The following CENPP variants were observed in gnomAD, a reference collection of about 807,000 sequenced individuals.
The protein encoded by CENPP is centromere protein P.
In CENPP, 24 loss-of-function variants were observed where a neutral mutation model predicts 35.6. That is an observed-to-expected ratio of 0.67 (90% CI 0.49 to 0.95). The LOEUF is 0.95. CENPP is among the 40% of genes least tolerant of loss of function. The probability of loss-of-function intolerance (pLI) is 0.00; values close to 1 mark genes in which losing one functional copy is unlikely to be tolerated. For missense variants in CENPP, 332 were observed against 345.3 expected (o/e 0.96, Z 0.31); for synonymous variants, 120 against 125.5 (o/e 0.96, Z 0.29).
At chr9:92,365,196 GGT>G (rs1841855962) in intron 4 of CENPP, among the ~76,000 whole-genome samples, 1 of 152,066 alleles carries the variant, frequency 6.6e-6, no homozygotes. Context: ...ATCGATAAGT[GGT>G]GGGGAGAAAA....
chr9:92,586,949 G>C lies in CENPP; in HGVS notation c.565-24365G>C, dbSNP rs73651324. Reference sequence around the variant, plus strand: ...CAAAATACCTGGTGTTCAACAACAAGAAAAAGACAGGGCATAGAAAGAAAC... The same window carrying C: ...CAAAATACCTGGTGTTCAACAACAACAAAAAGACAGGGCATAGAAAGAAAC... On this transcript the variant is annotated intron_variant, in intron 5 of 7. Transcript: ENST00000375587. Among the ~76,000 whole-genome samples the C allele has an allele frequency of 7.1e-3, 829 of 116,536 alleles. 8 individuals carry two copies. Among genetic ancestry groups the C allele is most frequent in the African/African-American group, 0.025 (776 of 31,028 alleles). 76.5% of individuals were successfully genotyped at this position (116,536 alleles called of 152,430 possible). A position where few individuals can be genotyped will look rare whatever the true frequency, so the allele number is the denominator to read the frequency against.
chr9:92,379,302 T>C (rs1366188192), intron 4 of CENPP, among the ~76,000 whole-genome samples: 1 of 152,216 alleles, frequency 6.6e-6, no homozygotes, highest in Non-Finnish European at 1.5e-5. Context: ...TTTGGTGATG[T>C]GTTTGATGTG....
At chr9:92,355,064 C>T (rs912721947) in intron 4 of CENPP, among the ~76,000 whole-genome samples, 7 of 152,152 alleles carry the variant, frequency 4.6e-5, no homozygotes, top group African/African-American at 1.7e-4. Flanking sequence ...GATAAGGGTC[C>T]ATGTTCAGCG....
intron 5 of CENPP, among the ~76,000 whole-genome samples, chr9:92,606,994 A>G (rs534987354): frequency 1.6e-4 from 24 of 152,318 alleles, no homozygotes; most frequent in Middle Eastern, 3.4e-3. Flanking sequence ...ATAATTTTTT[A>G]AAAAATCAAA....
intron 5 of CENPP, among the ~76,000 whole-genome samples, chr9:92,409,975 C>T (rs957607907): frequency 2.6e-5 from 4 of 152,124 alleles, no homozygotes; most frequent in African/African-American, 9.7e-5. Context: ...CTTGCTCAGT[C>T]ACCCAGGCTG....
chr9:92,400,270 T>A (rs1282273966), intron 5 of CENPP, among the ~76,000 whole-genome samples: 1 of 152,018 alleles, frequency 6.6e-6, no homozygotes, highest in Admixed American at 6.6e-5. Flanking sequence ...CTGCCTCAGC[T>A]TCCCGAGTAG....
chr9:92,346,321 A>G lies in CENPP; in HGVS notation c.467+534A>G, dbSNP rs117539615. ...ATCAGGAATTTGACTAGCAGAGAGA[A>G]CATGAAATCATTTGCTGAAGCTTGA... On this transcript the variant is annotated intron_variant, in intron 4 of 7. Transcript: ENST00000375587. Among the ~76,000 whole-genome samples, 514 of 152,284 alleles carry G rather than the reference A, an allele frequency of 3.4e-3. 8 individuals are homozygous for G. Among genetic ancestry groups the G allele is most frequent in the Admixed American group, 0.02 (306 of 15,282 alleles).
At chr9:92,514,719 C>T (rs1454725118) in intron 5 of CENPP, 2 of 1,607,684 alleles carry the variant, frequency 1.2e-6, no homozygotes, top group African/African-American at 1.3e-5. Context: ...TCCTGTAGGA[C>T]AGAGAGCACC....
chr9:92,613,455 C>T lies in CENPP; in HGVS notation c.*306C>T, dbSNP rs1851334112. On this transcript the variant is annotated 3_prime_UTR_variant, in exon 8 of 8. Transcript: ENST00000375587. ...GGGAGGATCCATCCCCCACCCACTG[C>T]AGCCTCACACCGAGTCCACCTTGGA... 3.1e-6 allele frequency: 1 copy of T among 319,144 alleles called. No individual in the cohort carries two copies. Among genetic ancestry groups the T allele is most frequent in the African/African-American group, 2.1e-5 (1 of 46,866 alleles). The allele number at this position is 319,144 out of a possible 1,614,324, so 19.8% of individuals were successfully genotyped here.
intron 5 of CENPP, among the ~76,000 whole-genome samples, chr9:92,441,714 G>A (rs1366774804): frequency 1.3e-5 from 2 of 152,122 alleles, no homozygotes; most frequent in South Asian, 2.1e-4. Context: ...AGCCGAGATC[G>A]CGCCACTGCA....
intron 5 of CENPP, among the ~76,000 whole-genome samples, chr9:92,470,076 G>A (rs528171748): frequency 6.6e-6 from 1 of 152,244 alleles, no homozygotes; most frequent in Non-Finnish European, 1.5e-5. Context: ...TGATCCGCCC[G>A]CCTTGGCCTC....
At chr9:92,466,263 A>G in intron 5 of CENPP, 1 of 838,168 alleles carries the variant, frequency 1.2e-6, no homozygotes, top group South Asian at 1.8e-5. Flanking sequence ...TTCAAAAATT[A>G]ATTTTGGAAA....
At chr9:92,393,023 G>A (rs983716224) in intron 5 of CENPP, 1 of 1,326,144 alleles carries the variant, frequency 7.5e-7, no homozygotes, top group Non-Finnish European at 1.0e-6. Context: ...ATAGAAACTT[G>A]TGTTTATATG....
intron 5 of CENPP, among the ~76,000 whole-genome samples, chr9:92,609,451 G>C (rs1851174598): frequency 6.6e-6 from 1 of 152,260 alleles, no homozygotes; most frequent in African/African-American, 2.4e-5. Context: ...CCTCTGACTA[G>C]CTGTCAGGCC....
intron 5 of CENPP, among the ~76,000 whole-genome samples, chr9:92,607,653 G>C (rs1476951170): frequency 6.6e-6 from 1 of 152,144 alleles, no homozygotes; most frequent in Non-Finnish European, 1.5e-5. Flanking sequence ...ATGAGTTAAC[G>C]TATCTGTGGA....
At chr9:92,375,021 T>C (rs1304158972) in intron 4 of CENPP, among the ~76,000 whole-genome samples, 1 of 152,238 alleles carries the variant, frequency 6.6e-6, no homozygotes, top group African/African-American at 2.4e-5. Flanking sequence ...TGTGTCTTGA[T>C]GTGGATCTCT....
chr9:92,567,387 TATATATATAG>T (rs1554688286), intron 5 of CENPP, among the ~76,000 whole-genome samples: 4 of 89,808 alleles, frequency 4.5e-5, no homozygotes, highest in South Asian at 6.2e-4. Flanking sequence ...TATATATATA[TATATATATAG>T]ATATATATAT....
At chr9:92,572,009 T>C (rs1850156477) in intron 5 of CENPP, among the ~76,000 whole-genome samples, 1 of 151,484 alleles carries the variant, frequency 6.6e-6, no homozygotes, top group African/African-American at 2.4e-5. Context: ...GTCTCCTGAA[T>C]ACAGCACACA....
intron 5 of CENPP, chr9:92,457,180 A>G (rs1420792000): frequency 2.1e-6 from 3 of 1,448,508 alleles, no homozygotes; most frequent in Non-Finnish European, 2.7e-6. Context: ...ACTTGAGAAT[A>G]GATATTTGCT....
Sources: allele counts gnomAD v4.1 joint callset (sites outside exome capture counted in the v4.1 genomes callset), GRCh38; gene constraint gnomAD v4.1.1; transcripts MANE v1.5; gene names NCBI Gene and HGNC (gene_info 2026-07-23, HGNC 2026-07-21).